CSTPP1: variants seen among roughly 807,000 people sequenced by gnomAD.
CSTPP1 encodes UPF0705 protein C11orf49.
chr11:46,950,176 C>CTTTT, the CSTPP1 span, among the ~76,000 whole-genome samples: 1 of 136,320 alleles, frequency 7.3e-6, no homozygotes, highest in Non-Finnish European at 1.6e-5. Flanking sequence ...TTTTTCTTTT[C>CTTTT]TTTTTTTTTT....
At chr11:47,058,578 A>C in the CSTPP1 span, among the ~76,000 whole-genome samples, 2 of 152,238 alleles carry the variant, frequency 1.3e-5, no homozygotes, top group Admixed American at 1.3e-4. Context: ...ATTTCTAGAC[A>C]TGAAAAATAC....
the CSTPP1 span, chr11:47,138,013 C>CCA: frequency 0.06 from 29,553 of 491,854 alleles, 942 homozygotes; most frequent in Middle Eastern, 0.087. Flanking sequence ...TCCAATACCC[C>CCA]CACACACACA....
At chr11:46,962,947 C>T in the CSTPP1 span, among the ~76,000 whole-genome samples, 1 of 152,052 alleles carries the variant, frequency 6.6e-6, no homozygotes, top group Non-Finnish European at 1.5e-5. Context: ...GGAGTGAGAC[C>T]CTGTCCAAAA....
chr11:47,160,899 GC>G, the CSTPP1 span: 1 of 576,016 alleles, frequency 1.7e-6, no homozygotes, highest in African/African-American at 1.9e-5. Context: ...TGTGGTGTCT[GC>G]CCCAGGCAGG....
At chr11:47,009,583 G>A in the CSTPP1 span, among the ~76,000 whole-genome samples, 2 of 152,038 alleles carry the variant, frequency 1.3e-5, no homozygotes, top group Admixed American at 6.6e-5. Context: ...CATCAGCTGG[G>A]GTCAGGAGCT....
the CSTPP1 span, chr11:47,155,075 C>T: frequency 2.1e-6 from 2 of 936,956 alleles, no homozygotes; most frequent in East Asian, 4.9e-5. Context: ...CTCTCTCTCT[C>T]CCTCTCCCCC....
chr11:46,986,715 G>A, the CSTPP1 span, among the ~76,000 whole-genome samples: 2 of 151,988 alleles, frequency 1.3e-5, no homozygotes, highest in African/African-American at 4.8e-5. Context: ...TGATCCACCC[G>A]CCTCAGCCTC....
chr11:46,996,334 C>T, the CSTPP1 span, among the ~76,000 whole-genome samples: 10 of 149,054 alleles, frequency 6.7e-5, no homozygotes, highest in Non-Finnish European at 1.2e-4. Context: ...GACGGAGTTT[C>T]GCTCTGTCGC....
At chr11:46,957,438 T>A in the CSTPP1 span, among the ~76,000 whole-genome samples, 3 of 152,350 alleles carry the variant, frequency 2.0e-5, no homozygotes, top group African/African-American at 7.2e-5. Flanking sequence ...AATGACTTTA[T>A]ACTACCCTTA....
At chr11:46,985,271 G>T in the CSTPP1 span, among the ~76,000 whole-genome samples, 1 of 152,056 alleles carries the variant, frequency 6.6e-6, no homozygotes, top group Non-Finnish European at 1.5e-5. Context: ...AAGACTTTTG[G>T]GCTCAGGTTG....
the CSTPP1 span, among the ~76,000 whole-genome samples, chr11:47,009,438 A>G: frequency 6.6e-5 from 10 of 152,180 alleles, no homozygotes; most frequent in African/African-American, 2.4e-4. Context: ...AAAAAGCAAC[A>G]AACAGAAAAT....
the CSTPP1 span, chr11:47,157,944 G>A: frequency 9.4e-6 from 15 of 1,595,366 alleles, no homozygotes; most frequent in East Asian, 1.8e-4. Context: ...CTAAGCAGCC[G>A]TCAGCCTCTC....
chr11:47,117,112 T>C, the CSTPP1 span, among the ~76,000 whole-genome samples: 4 of 152,244 alleles, frequency 2.6e-5, no homozygotes, highest in Non-Finnish European at 5.9e-5. Flanking sequence ...TGTCTTTTAA[T>C]TGGGGCATTT....
chr11:47,117,233 T>C, the CSTPP1 span, among the ~76,000 whole-genome samples: 2 of 152,246 alleles, frequency 1.3e-5, no homozygotes, highest in African/African-American at 4.8e-5. Context: ...AAAGCATCGA[T>C]GGTCTTTACA....
the CSTPP1 span, among the ~76,000 whole-genome samples, chr11:47,084,754 T>C: frequency 6.6e-6 from 1 of 152,228 alleles, no homozygotes; most frequent in Non-Finnish European, 1.5e-5. Context: ...GTTCCATTGA[T>C]CTAAGGTAGT....
the CSTPP1 span, among the ~76,000 whole-genome samples, chr11:47,054,317 A>T: frequency 1.3e-5 from 2 of 150,416 alleles, no homozygotes; most frequent in Admixed American, 6.6e-5. Flanking sequence ...TCTCAAAAAA[A>T]AAAAAAAAAA....
At chr11:47,156,915 G>A in the CSTPP1 span, 3 of 1,144,362 alleles carry the variant, frequency 2.6e-6, no homozygotes, top group South Asian at 4.6e-5. Context: ...GAGCACTGAG[G>A]CTGGTGTGGA....
At chr11:47,132,091 G>T in the CSTPP1 span, among the ~76,000 whole-genome samples, 1 of 152,180 alleles carries the variant, frequency 6.6e-6, no homozygotes. Context: ...CACTGGTCAT[G>T]GTTTATCATG....
chr11:46,944,796 G>A, the CSTPP1 span, among the ~76,000 whole-genome samples: 2 of 152,052 alleles, frequency 1.3e-5, no homozygotes, highest in South Asian at 2.1e-4. Flanking sequence ...AGACTCCTCC[G>A]GCTTCCTTCC....
Sources: allele counts gnomAD v4.1 joint callset (sites outside exome capture counted in the v4.1 genomes callset), GRCh38; gene constraint gnomAD v4.1.1; transcripts MANE v1.5; gene names NCBI Gene and HGNC (gene_info 2026-07-23, HGNC 2026-07-21).